Variants in FARP1 observed in about 807,000 individuals in gnomAD.
The protein encoded by FARP1 is FERM, ARH/RhoGEF and pleckstrin domain protein 1, also known as FERM, ARHGEF and pleckstrin domain-containing protein 1.
FARP1 carries 52 observed loss-of-function variants against 128.8 expected under a neutral mutation model. That is an observed-to-expected ratio of 0.40 (90% confidence interval 0.32 to 0.51). The LOEUF is 0.51. FARP1 is among the 20% of genes least tolerant of loss of function. The pLI is 0.45. For missense variants in FARP1, 1,333 were observed against 1,367.9 expected (o/e 0.97, Z 0.40); for synonymous variants, 580 against 551.8 (o/e 1.05, Z -0.72).
chr13:98,160,400 G>GT (rs1463164135), intron 1 of FARP1, among the ~76,000 whole-genome samples: 5 of 152,094 alleles, frequency 3.3e-5, no homozygotes, highest in Non-Finnish European at 7.4e-5. Flanking sequence ...TACACAGATC[G>GT]TAAGGATAGC....
At chr13:98,401,425 C>CACACACACACAG (rs1555291951) in intron 13 of FARP1, 100 of 151,824 alleles carry the variant, frequency 6.6e-4, no homozygotes, top group African/African-American at 2.3e-3. Flanking sequence ...AACACACACA[C>CACACACACACAG]ACACACACAC....
chr13:98,316,072 A>T (rs925046647), intron 2 of FARP1, among the ~76,000 whole-genome samples: 3 of 152,138 alleles, frequency 2.0e-5, no homozygotes, highest in Non-Finnish European at 4.4e-5. Context: ...CGGCTGGAGT[A>T]TGTCAACCCT....
chr13:98,446,943 T>TG (rs1366481340), intron 26 of FARP1, 126 bp downstream of exon 26: 13 of 1,049,518 alleles, frequency 1.2e-5, no homozygotes, highest in Non-Finnish European at 1.8e-5. Flanking sequence ...CGTTTAGACC[T>TG]GGGGTCCCAC....
At chr13:98,336,233 CTGT>C (rs1235531765) in intron 2 of FARP1, among the ~76,000 whole-genome samples, 2 of 152,074 alleles carry the variant, frequency 1.3e-5, no homozygotes, top group Admixed American at 6.6e-5. Flanking sequence ...AATGTTGTTT[CTGT>C]TGTTGTTTTT....
chr13:98,301,816 C>A (rs777447818), intron 2 of FARP1, among the ~76,000 whole-genome samples: 1 of 152,098 alleles, frequency 6.6e-6, no homozygotes, highest in African/African-American at 2.4e-5. Context: ...GTGTATGGCT[C>A]AGACTTCTTT....
In FARP1 at chr13:98,387,174, A is replaced by G. The variant is rs141730121; in HGVS notation, c.760-1209A>G. Among the ~76,000 whole-genome samples, 547 of 152,210 alleles carry G rather than the reference A, an allele frequency of 3.6e-3. 5 individuals carry two copies. Among genetic ancestry groups the G allele is most frequent in the African/African-American group, 0.012 (516 of 41,534 alleles). ...AAATTAGCTGGGCATGATGGCGTGT[A>G]CCTGTAATCCCAGCTACTTGGAAGG... is the stretch of plus-strand genomic sequence containing the variant. On this transcript the variant is annotated intron_variant, in intron 8 of 26. Coordinates refer to ENST00000319562, the MANE Select transcript of FARP1 (RefSeq NM_005766.4).
chr13:98,448,292 G>A lies in FARP1; in HGVS notation c.3113G>A (p.Ser1038Asn), dbSNP rs1594555217. ...TCTGCCTCGCGACCCCACGTGTTGAGTCACAAAGAGTCTCTTGTGTATTGA... is the reference window on the plus strand; with the variant it reads ...TCTGCCTCGCGACCCCACGTGTTGAATCACAAAGAGTCTCTTGTGTATTGA... ...TSSASRPHVLSHKESLVY is the reference protein window; with the variant it reads ...TSSASRPHVLNHKESLVY The change falls in exon 27 of 27, where the codon AGT becomes AAT. Residue 1038 changes from serine to asparagine, a missense_variant. Physicochemically the swap from Ser to Asn is conservative, Grantham distance 46 (BLOSUM62 1). This residue lies in a region of FARP1 where 1,009 missense variants were observed against 969.8 expected (regional missense o/e 1.04). Coordinates refer to ENST00000319562, the MANE Select transcript of FARP1 (RefSeq NM_005766.4). 1.2e-6 allele frequency: 2 copies of A among 1,614,052 alleles called. No homozygotes were observed. Among genetic ancestry groups the A allele is most frequent in the East Asian group, 2.2e-5 (1 of 44,886 alleles).
intron 2 of FARP1, among the ~76,000 whole-genome samples, chr13:98,275,260 T>C (rs1884580823): frequency 6.6e-6 from 1 of 151,666 alleles, no homozygotes; most frequent in African/African-American, 2.4e-5. Flanking sequence ...TTTGACACAC[T>C]GAGCTATTTA....
Position 98,365,339 on chromosome 13 carries a change from A to G in FARP1, c.277-56A>G, listed in dbSNP as rs926144685. The G allele has an allele frequency of 3.8e-6, 5 of 1,326,518 alleles. No homozygotes were observed. The African/African-American group carries it at 7.3e-5, about 19-fold the overall frequency. The allele number at this position is 1,326,518 out of a possible 1,614,324, so 82.2% of individuals were successfully genotyped here. On this transcript the variant is annotated intron_variant, in intron 3 of 26. Transcript: ENST00000319562. ...ACAGCTTTAAACAAAATCTCAAAATACTTGCACTCTTTCATTGAGAACTTA... is the reference window on the plus strand; with the variant it reads ...ACAGCTTTAAACAAAATCTCAAAATGCTTGCACTCTTTCATTGAGAACTTA...
Position 98,395,488 on chromosome 13 carries a change from C to T in FARP1, c.1414+12C>T, listed in dbSNP as rs562534103. On this transcript the variant is annotated intron_variant, in intron 13 of 26. Transcript: ENST00000319562. ...GCAGCCAAGCACAGGTCCAGCATCC[C>T]GGGCTGCCAGAGGCAGCAGTACTTC... The T allele has an allele frequency of 2.6e-5, 40 of 1,564,772 alleles. No individual in the cohort carries two copies. The highest frequency in any genetic ancestry group is 1.7e-4 in the Middle Eastern group (1 of 5,738).
intron 2 of FARP1, among the ~76,000 whole-genome samples, chr13:98,222,872 G>T (rs909846940): frequency 6.8e-6 from 1 of 147,752 alleles, no homozygotes; most frequent in African/African-American, 2.5e-5. Flanking sequence ...TCTTGACCTC[G>T]CAACCCGGCT....
chr13:98,442,381 T>G (rs1320826831), intron 24 of FARP1, among the ~76,000 whole-genome samples: 24 of 152,330 alleles, frequency 1.6e-4, no homozygotes, highest in African/African-American at 1.4e-4. Flanking sequence ...TTATTGAGTT[T>G]CCTGCTACAA....
At chr13:98,339,361 A>G (rs1480681342) in intron 2 of FARP1, among the ~76,000 whole-genome samples, 1 of 152,006 alleles carries the variant, frequency 6.6e-6, no homozygotes, top group Non-Finnish European at 1.5e-5. Flanking sequence ...ATCAGATCTC[A>G]TGAGAACTCC....
intron 1 of FARP1, chr13:98,177,275 A>C (rs376569445): frequency 4.1e-6 from 6 of 1,480,416 alleles, no homozygotes; most frequent in Non-Finnish European, 5.4e-6. Flanking sequence ...GGCGTGCGTC[A>C]CCCTTGCGTC....
Position 98,424,665 on chromosome 13 carries a change from A to G in FARP1, c.1905+15A>G, listed in dbSNP as rs1490869770. 15 of 1,585,148 alleles carry G rather than the reference A, an allele frequency of 9.5e-6. No individual in the cohort carries two copies. In the Admixed American group the frequency reaches 2.5e-4, roughly 26 times the overall value. On this transcript the variant is annotated intron_variant, in intron 17 of 26. Coordinates refer to ENST00000319562, the MANE Select transcript of FARP1 (RefSeq NM_005766.4). ...AGGGCATGAAGGTGAGCTGGTTGAG[A>G]TTTGGGTGGAGCAAGGTTCACCAAG...
intron 2 of FARP1, among the ~76,000 whole-genome samples, chr13:98,217,451 A>ACGACCGT (rs1417118084): frequency 6.6e-6 from 1 of 152,198 alleles, no homozygotes; most frequent in Non-Finnish European, 1.5e-5. Flanking sequence ...CTCGGCGTCT[A>ACGACCGT]CGACCGTCGT....
chr13:98,287,204 A>AGGCCTTTTTTTTTT (rs1327624660), intron 2 of FARP1, among the ~76,000 whole-genome samples: 3 of 114,818 alleles, frequency 2.6e-5, no homozygotes, highest in Non-Finnish European at 5.5e-5. Flanking sequence ...ACCATCAGAC[A>AGGCCTTTTTTTTTT]TGTCTTTTTT....
At chr13:98,302,848 G>A (rs1885979791) in intron 2 of FARP1, among the ~76,000 whole-genome samples, 1 of 152,162 alleles carries the variant, frequency 6.6e-6, no homozygotes, top group African/African-American at 2.4e-5. Flanking sequence ...GAGAGTTAAG[G>A]TGAGTGCAAT....
chr13:98,213,965 A>T (rs905569467), intron 2 of FARP1, among the ~76,000 whole-genome samples: 1 of 152,060 alleles, frequency 6.6e-6, no homozygotes, highest in African/African-American at 2.4e-5. Flanking sequence ...GAGTATCGAA[A>T]AGCCTCCTTC....
Sources: allele counts gnomAD v4.1 joint callset (sites outside exome capture counted in the v4.1 genomes callset), GRCh38; gene constraint gnomAD v4.1.1; regional missense constraint gnomAD v4.1.1; transcripts MANE v1.5; gene names NCBI Gene and HGNC (gene_info 2026-07-23, HGNC 2026-07-21).